Variants in ST3GAL2 observed in about 807,000 individuals in gnomAD.
The protein encoded by ST3GAL2 is CMP-N-acetylneuraminate-beta-galactosamide-alpha-2,3-sialyltransferase 2.
ST3GAL2 carries 16 observed loss-of-function variants against 37.5 expected under a neutral mutation model. That is an observed-to-expected ratio of 0.43 (90% CI 0.29 to 0.65). The LOEUF (loss-of-function observed/expected upper bound fraction) is 0.65. Among genes scored for constraint, ST3GAL2 ranks in the 30% least tolerant of loss-of-function variants. ST3GAL2 has a pLI of 0.17. For missense variants in ST3GAL2, 383 were observed against 487.8 expected (o/e 0.79, Z 2.02); for synonymous variants, 238 against 202.9 (o/e 1.17, Z -1.47).
At chr16:70,411,557 C>T (rs1390476597) in intron 1 of ST3GAL2, among the ~76,000 whole-genome samples, 1 of 152,006 alleles carries the variant, frequency 6.6e-6, no homozygotes, top group Non-Finnish European at 1.5e-5. Context: ...GTAGAAAGAT[C>T]GAGGGTCCTT....
At chr16:70,393,036 T>G (rs553766918) in intron 3 of ST3GAL2, among the ~76,000 whole-genome samples, 1 of 151,430 alleles carries the variant, frequency 6.6e-6, no homozygotes, top group South Asian at 2.1e-4. Flanking sequence ...TGGGGTCCAC[T>G]CTATACCACC....
chr16:70,407,368 T>C (rs540584812), intron 1 of ST3GAL2, among the ~76,000 whole-genome samples: 2 of 152,308 alleles, frequency 1.3e-5, no homozygotes, highest in African/African-American at 4.8e-5. Flanking sequence ...CTCAAACTCC[T>C]GACCTCAAGT....
chr16:70,393,924 A>G (rs2047498464), intron 3 of ST3GAL2, among the ~76,000 whole-genome samples: 1 of 152,070 alleles, frequency 6.6e-6, no homozygotes, highest in Admixed American at 6.6e-5. Context: ...TGCTCATCCT[A>G]AGAGATGCGT....
In ST3GAL2 at chr16:70,418,214, C is replaced by A. The variant is rs147443387; in HGVS notation, c.-1003-18681G>T. On this transcript the variant is annotated intron_variant, in intron 1 of 6. Transcript: ENST00000342907. ...GCCCTCACTGACCCCTTAGCCAAGC[C>A]CTTTTTCCTACGGCCTGGTGGGTCC... 4.6e-5 allele frequency among the ~76,000 whole-genome samples: 7 copies of A among 152,328 alleles called. No homozygotes were observed. The East Asian group carries it at 1.3e-3, about 29-fold the overall frequency.
rs1028389894 is a variant in ST3GAL2, at chr16:70,398,625, T to A, written c.-95A>T. On this transcript the variant is annotated 5_prime_UTR_variant, in exon 2 of 7. The change abolishes an upstream ATG in the 5' untranslated region. Transcript: ENST00000342907. ...GTAGCCTGCCTATTCTGGCACCACA[T>A]GCAAAGGGCATAGGGGCACGTGCTG... 6.4e-6 allele frequency: 8 copies of A among 1,247,178 alleles called. No individual in the cohort carries two copies. The African/African-American group carries it at 1.0e-4, about 16-fold the overall frequency. The allele number at this position is 1,247,178 out of a possible 1,614,324, so 77.3% of individuals were successfully genotyped here. A position where few individuals can be genotyped will look rare whatever the true frequency, so the allele number is the denominator to read the frequency against.
chr16:70,408,938 A>G (rs1281863769), intron 1 of ST3GAL2, among the ~76,000 whole-genome samples: 1 of 144,430 alleles, frequency 6.9e-6, no homozygotes, highest in Non-Finnish European at 1.5e-5. Context: ...GAAAGAAAAA[A>G]TAAAGAAACG....
intron 6 of ST3GAL2, among the ~76,000 whole-genome samples, 199 bp downstream of exon 6, chr16:70,382,606 T>C (rs1461945991): frequency 6.6e-6 from 1 of 152,154 alleles, no homozygotes; most frequent in Admixed American, 6.5e-5. Context: ...ATGAAGAGAT[T>C]TTGGATTTGG....
chr16:70,411,693 T>C (rs1324992522), intron 1 of ST3GAL2, among the ~76,000 whole-genome samples: 3 of 152,058 alleles, frequency 2.0e-5, no homozygotes, highest in Admixed American at 6.6e-5. Context: ...CATCCTAATA[T>C]ATTGTTAATA....
In ST3GAL2 at chr16:70,411,689, A is replaced by C. The variant is rs992413451; in HGVS notation, c.-1003-12156T>G. On this transcript the variant is annotated intron_variant, in intron 1 of 6. Coordinates refer to ENST00000342907, the MANE Select transcript of ST3GAL2 (RefSeq NM_006927.4). ...TGGGTTACTCTGCTACTTGCATCCTAATATATTGTTAATAGTTAATTCAGG... is the reference window on the plus strand; with the variant it reads ...TGGGTTACTCTGCTACTTGCATCCTCATATATTGTTAATAGTTAATTCAGG... 3.3e-5 allele frequency among the ~76,000 whole-genome samples: 5 copies of C among 152,162 alleles called. No homozygotes were observed. In the East Asian group the frequency reaches 9.7e-4, roughly 29 times the overall value.
rs546090947 is a variant in ST3GAL2 at position 70,422,625 on chromosome 16, C to G, written c.-1004+16324G>C. 1.2e-4 allele frequency among the ~76,000 whole-genome samples: 19 copies of G among 152,224 alleles called. No homozygotes were observed. The South Asian group carries it at 4.0e-3, about 32-fold the overall frequency. On this transcript the variant is annotated intron_variant, in intron 1 of 6. Coordinates refer to ENST00000342907, the MANE Select transcript of ST3GAL2 (RefSeq NM_006927.4). The stretch of plus-strand genomic sequence containing the variant: ...ACTCAGGAGCTGGTGAGCATTGCCC[C>G]AAAGCTCCCAGGCACACCAGCATTT...
chr16:70,387,659 G>T lies in ST3GAL2; in HGVS notation c.713+708C>A, dbSNP rs187625911. ...ATTATACACATTAAATAGGTGAGAT[G>T]TATGGGATATGAATCATATCTTGAT... On this transcript the variant is annotated intron_variant, in intron 4 of 6. Transcript: ENST00000342907. 2.6e-4 allele frequency among the ~76,000 whole-genome samples: 39 copies of T among 152,292 alleles called. No individual in the cohort carries two copies. In the South Asian group the frequency reaches 7.7e-3, roughly 30 times the overall value.
At chr16:70,396,067 G>A (rs1463565734) in intron 2 of ST3GAL2, among the ~76,000 whole-genome samples, 1 of 151,536 alleles carries the variant, frequency 6.6e-6, no homozygotes. Context: ...CGCCTCCCGG[G>A]TTCAAGGGAT....
At chr16:70,424,222 C>T (rs1273141597) in intron 1 of ST3GAL2, among the ~76,000 whole-genome samples, 51 of 145,900 alleles carry the variant, frequency 3.5e-4, no homozygotes, top group Middle Eastern at 6.5e-3. Context: ...CTCGAACTCC[C>T]GACCTCAGGT....
At chr16:70,409,266 C>T (rs548913065) in intron 1 of ST3GAL2, among the ~76,000 whole-genome samples, 1 of 152,174 alleles carries the variant, frequency 6.6e-6, no homozygotes, top group East Asian at 1.9e-4. Flanking sequence ...GACCTCATCT[C>T]TATTTTATGA....
At chr16:70,386,749 G>T (rs1030722954) in intron 4 of ST3GAL2, among the ~76,000 whole-genome samples, 2 of 152,044 alleles carry the variant, frequency 1.3e-5, no homozygotes, top group African/African-American at 4.8e-5. Context: ...GAGCTCAAGC[G>T]ATTCTCCTGT....
chr16:70,423,895 A>G (rs1024240568), intron 1 of ST3GAL2, among the ~76,000 whole-genome samples: 2 of 151,448 alleles, frequency 1.3e-5, no homozygotes, highest in African/African-American at 4.9e-5. Flanking sequence ...CGTCTCTACT[A>G]AAAGTACAAA....
At chr16:70,421,692 C>A (rs567935302) in intron 1 of ST3GAL2, among the ~76,000 whole-genome samples, 52 of 152,282 alleles carry the variant, frequency 3.4e-4, no homozygotes, top group African/African-American at 1.2e-3. Context: ...AAGCCCCACC[C>A]CTCCTTGAGA....
chr16:70,427,543 T>C (rs2047760199), intron 1 of ST3GAL2, among the ~76,000 whole-genome samples: 1 of 151,850 alleles, frequency 6.6e-6, no homozygotes, highest in African/African-American at 2.4e-5. Flanking sequence ...TTCACCGTGT[T>C]AGCCAGGATG....
chr16:70,390,974 A>G (rs548852023), intron 3 of ST3GAL2, among the ~76,000 whole-genome samples: 105 of 152,326 alleles, frequency 6.9e-4, no homozygotes, highest in South Asian at 1.4e-3. Context: ...TCCACTAGGA[A>G]CACAGGGAGC....
Sources: allele counts gnomAD v4.1 joint callset (sites outside exome capture counted in the v4.1 genomes callset), GRCh38; gene constraint gnomAD v4.1.1; transcripts MANE v1.5; gene names NCBI Gene and HGNC (gene_info 2026-07-23, HGNC 2026-07-21).